Variants in DPYSL3 observed in about 807,000 individuals in gnomAD.
DPYSL3 encodes dihydropyrimidinase like 3.
DPYSL3 carries 16 observed loss-of-function variants against 66.1 expected under a neutral mutation model. The ratio of observed to expected loss-of-function variants is 0.24; its 90% confidence interval spans 0.16 to 0.37. The LOEUF (loss-of-function observed/expected upper bound fraction) is 0.37. Among genes scored for constraint, DPYSL3 ranks in the 10% least tolerant of loss-of-function variants. The pLI is 1.00. For missense variants in DPYSL3, 738 were observed against 916.2 expected, an observed-to-expected ratio of 0.81 and a Z score of 2.51; for synonymous variants, 338 against 345.1, an observed-to-expected ratio of 0.98 and a Z score of 0.23.
intron 7 of DPYSL3, among the ~76,000 whole-genome samples, chr5:147,406,664 C>T (rs1016992885): frequency 6.6e-6 from 1 of 152,214 alleles, no homozygotes; most frequent in Non-Finnish European, 1.5e-5. Flanking sequence ...GTCTGTGTTA[C>T]TCTCAAGTGG....
intron 8 of DPYSL3, chr5:147,402,042 C>A: frequency 4.4e-6 from 1 of 228,356 alleles, no homozygotes. Context: ...AGTTCTTGCT[C>A]TAGTAATGGG....
chr5:147,490,276 T>G (rs1753395589), intron 1 of DPYSL3, among the ~76,000 whole-genome samples: 1 of 152,218 alleles, frequency 6.6e-6, no homozygotes, highest in Admixed American at 6.5e-5. Flanking sequence ...ATGCAGCCTT[T>G]TATAGGAATT....
chr5:147,489,853 C>T (rs943232210), intron 1 of DPYSL3, among the ~76,000 whole-genome samples: 3 of 151,642 alleles, frequency 2.0e-5, no homozygotes, highest in Non-Finnish European at 4.4e-5. Context: ...CCGATGGATA[C>T]AATTTTCATT....
intron 1 of DPYSL3, among the ~76,000 whole-genome samples, chr5:147,426,352 A>G (rs1436381476): frequency 6.6e-6 from 1 of 152,148 alleles, no homozygotes; most frequent in Non-Finnish European, 1.5e-5. Flanking sequence ...CTTAGGGTTC[A>G]AGGAAGAAAG....
In DPYSL3 at chr5:147,509,329, C is replaced by A. The variant is rs1753725031; in HGVS notation, c.381+149G>T. Reference sequence around the variant, plus strand: ...ATCCAGGGTCTGGGCTAGGAAGTCGCGCTACGCTCAGTGGAGGATGACCCT... The same window carrying A: ...ATCCAGGGTCTGGGCTAGGAAGTCGAGCTACGCTCAGTGGAGGATGACCCT... On this transcript the variant is annotated intron_variant, in intron 1 of 13. Transcript: ENST00000343218. The surrounding 1 kb of genome is among the most constrained non-coding windows in gnomAD (Gnocchi z 5.3). The A allele has an allele frequency of 4.4e-6, 5 of 1,133,638 alleles. No homozygotes were observed. The highest frequency in any genetic ancestry group is 6.0e-6 in the Non-Finnish European group (5 of 831,864). The allele number at this position is 1,133,638 out of a possible 1,614,324, so 70.2% of individuals were successfully genotyped here.
intron 1 of DPYSL3, among the ~76,000 whole-genome samples, chr5:147,492,804 A>T (rs1384496147): frequency 6.6e-6 from 1 of 152,238 alleles, no homozygotes. Context: ...GAATACATCA[A>T]CAAATACGGT....
rs1757825086 is a variant in DPYSL3 at position 147,392,038 on chromosome 5, C to G, written c.*1997G>C. 1 of 152,224 alleles carries G rather than the reference C, an allele frequency of 6.6e-6. No homozygotes were observed. The highest frequency in any genetic ancestry group is 2.4e-5 in the African/African-American group (1 of 41,444). The allele number at this position is 152,224 out of a possible 1,614,324, so 9.4% of individuals were successfully genotyped here. On this transcript the variant is annotated 3_prime_UTR_variant, in exon 14 of 14. Transcript: ENST00000343218. ...AGCGAGTTTATGTGTGTCTTTTCCT[C>G]TATCTGCTGGCTGTGGCTGGTACTG... is the stretch of plus-strand genomic sequence containing the variant.
At chr5:147,401,900 A>C (rs558585802) in intron 8 of DPYSL3, 1 of 488,726 alleles carries the variant, frequency 2.0e-6, no homozygotes, top group Non-Finnish European at 3.4e-6. Flanking sequence ...CTAGATTAAA[A>C]GAAGCCATTG....
rs1487522078 is a variant in DPYSL3 at position 147,393,937 on chromosome 5, A to G, written c.*98T>C. On this transcript the variant is annotated 3_prime_UTR_variant, in exon 14 of 14. Transcript: ENST00000343218. ...AGGCTTATTGATTCTTTAGATCACA[A>G]CCGTTTGGATTCGCTTTCCTTCTTA... 3.2e-6 allele frequency: 4 copies of G among 1,235,296 alleles called. No homozygotes were observed. Among genetic ancestry groups the G allele is most frequent in the African/African-American group, 1.5e-5 (1 of 66,986 alleles). The allele number at this position is 1,235,296 out of a possible 1,614,324, so 76.5% of individuals were successfully genotyped here. A position where few individuals can be genotyped will look rare whatever the true frequency, so the allele number is the denominator to read the frequency against.
intron 1 of DPYSL3, among the ~76,000 whole-genome samples, chr5:147,484,786 C>T (rs541891559): frequency 2.0e-5 from 3 of 152,294 alleles, no homozygotes; most frequent in South Asian, 2.1e-4. Context: ...TATGATTTGA[C>T]GTGGTTTGTT....
intron 1 of DPYSL3, among the ~76,000 whole-genome samples, chr5:147,484,469 A>AT (rs1306721773): frequency 6.6e-6 from 1 of 152,248 alleles, no homozygotes; most frequent in Non-Finnish European, 1.5e-5. Flanking sequence ...GGAATTAAAT[A>AT]TCAACAACCT....
chr5:147,505,833 C>A (rs1006589294), intron 1 of DPYSL3, among the ~76,000 whole-genome samples: 6 of 152,112 alleles, frequency 3.9e-5, no homozygotes, highest in Non-Finnish European at 8.8e-5. Flanking sequence ...GAAAATCTGT[C>A]CTTGCTCTGA....
At chr5:147,501,758 C>T (rs1374808032) in intron 1 of DPYSL3, among the ~76,000 whole-genome samples, 4 of 152,036 alleles carry the variant, frequency 2.6e-5, no homozygotes, top group South Asian at 2.1e-4. Flanking sequence ...GGATTACAGG[C>T]GTGAGCCACC....
chr5:147,433,418 T>A (rs946492310), intron 1 of DPYSL3, among the ~76,000 whole-genome samples: 1 of 152,138 alleles, frequency 6.6e-6, no homozygotes, highest in East Asian at 1.9e-4. Flanking sequence ...AATCTTTAAC[T>A]GGGCTTTTGG....
intron 1 of DPYSL3, among the ~76,000 whole-genome samples, chr5:147,446,152 G>C (rs1398305473): frequency 2.6e-5 from 4 of 152,182 alleles, no homozygotes; most frequent in Non-Finnish European, 4.4e-5. Context: ...GTGAGGAGGG[G>C]CTGGCTCACA....
chr5:147,476,648 TGAA>T (rs1753159786), intron 1 of DPYSL3, among the ~76,000 whole-genome samples: 1 of 152,182 alleles, frequency 6.6e-6, no homozygotes. Flanking sequence ...TGCAAACTGG[TGAA>T]ATCTTCTCAT....
intron 1 of DPYSL3, among the ~76,000 whole-genome samples, chr5:147,501,053 A>G (rs950398893): frequency 2.0e-5 from 3 of 152,192 alleles, no homozygotes; most frequent in Non-Finnish European, 2.9e-5. Context: ...ATAACCAACA[A>G]ATCCTGGAAG....
At chr5:147,437,927 T>G (rs1007952331) in intron 1 of DPYSL3, among the ~76,000 whole-genome samples, 11 of 152,224 alleles carry the variant, frequency 7.2e-5, no homozygotes, top group African/African-American at 2.4e-4. Context: ...GGTCAAAGCC[T>G]TCCACCTAGT....
Position 147,415,864 on chromosome 5 carries a change from A to G in DPYSL3, c.665T>C (p.Val222Ala). 1 of 1,613,758 alleles carries G rather than the reference A, an allele frequency of 6.2e-7. No individual in the cohort carries two copies. The highest frequency in any genetic ancestry group is 1.1e-5 in the South Asian group (1 of 91,022). ...CAGGCTGGACTCAGGCTCAGGCACC[A>G]CATGGTCAACTGAATGACAGAGACC... ...AGGTTMIIDHVVPEPESSLTE... is the reference protein window; with the variant it reads ...AGGTTMIIDHAVPEPESSLTE... Residue 222 changes from valine to alanine, a missense_variant, in exon 4 of 14, where the codon GTG (valine) becomes GCG (alanine). Val to Ala is a moderately conservative substitution (Grantham distance 64). Transcript: ENST00000343218.
Sources: gnomAD v4.1 joint callset for allele counts (sites outside exome capture counted in the v4.1 genomes callset) on GRCh38, gnomAD v4.1.1 for gene constraint, Gnocchi (gnomAD v3.1) non-coding constraint, MANE v1.5 for transcripts, NCBI Gene and HGNC (gene_info 2026-07-23, HGNC 2026-07-21) for gene names.